The following WDR27 variants were observed in gnomAD, a reference collection of about 807,000 sequenced individuals.
WDR27 encodes WD repeat domain 27, also known as WD repeat-containing protein 27.
Under a neutral mutation model 114.4 loss-of-function variants are expected in WDR27, and 100 were observed. The observed-to-expected ratio is 0.87, with a 90% CI of 0.74 to 1.03. The LOEUF is 1.03. Ranked by LOEUF, WDR27 falls within the 50% of genes least tolerant of loss-of-function variation. WDR27 has a pLI of 0.00. For missense variants in WDR27, 1,129 were observed against 1,092.9 expected, an observed-to-expected ratio of 1.03 and a Z score of -0.47; for synonymous variants, 449 against 423.1, an observed-to-expected ratio of 1.06 and a Z score of -0.75.
At position 169,564,203 on chromosome 6, in the gene WDR27, G is replaced by A. The variant is rs371885808; in HGVS notation, c.2645+8216C>T. Among the ~76,000 whole-genome samples, 18 of 152,308 alleles carry A rather than the reference G, an allele frequency of 1.2e-4. No homozygotes were observed. In the South Asian group the frequency reaches 1.7e-3, roughly 14 times the overall value. ...AAGAACCTGGAGTCTGATGTTCGAGGGCAGGAAGCATCCAGCATGGGAGAA... is the reference window on the plus strand; with the variant it reads ...AAGAACCTGGAGTCTGATGTTCGAGAGCAGGAAGCATCCAGCATGGGAGAA... On this transcript the variant is annotated intron_variant, in intron 25 of 25. Transcript: ENST00000448612.
intron 21 of WDR27, among the ~76,000 whole-genome samples, chr6:169,614,055 C>T (rs1356738336): frequency 6.6e-6 from 1 of 152,148 alleles, no homozygotes; most frequent in African/African-American, 2.4e-5. Context: ...CAATTATCAA[C>T]CCCTAAATGA....
Position 169,648,577 on chromosome 6 carries a change from G to C in WDR27, c.1559+621C>G, listed in dbSNP as rs543709110. Among the ~76,000 whole-genome samples, 17 of 152,384 alleles carry C rather than the reference G, an allele frequency of 1.1e-4. No homozygotes were observed. In the South Asian group the frequency reaches 3.5e-3, roughly 32 times the overall value. ...GGCTGCAGAAAAATGCAGTGAATGCGGGCAAAATCAATATTGGCGCTCTGT... is the reference window on the plus strand; with the variant it reads ...GGCTGCAGAAAAATGCAGTGAATGCCGGCAAAATCAATATTGGCGCTCTGT... On this transcript the variant is annotated intron_variant, in intron 15 of 25. Transcript: ENST00000448612.
chr6:169,469,552 C>T (rs944897651), intron 25 of WDR27, among the ~76,000 whole-genome samples: 1 of 152,206 alleles, frequency 6.6e-6, no homozygotes, highest in African/African-American at 2.4e-5. Flanking sequence ...CCCACTAAAG[C>T]CAGACAAGCT....
At chr6:169,573,527 T>A (rs2128129824) in intron 24 of WDR27, among the ~76,000 whole-genome samples, 1 of 152,202 alleles carries the variant, frequency 6.6e-6, no homozygotes, top group Non-Finnish European at 1.5e-5. Flanking sequence ...CTGTAGGACT[T>A]GAGTGTGTGA....
intron 25 of WDR27, among the ~76,000 whole-genome samples, chr6:169,566,390 G>A (rs1379886628): frequency 6.6e-6 from 1 of 152,206 alleles, no homozygotes; most frequent in Admixed American, 6.5e-5. Flanking sequence ...CCACAGAGGG[G>A]CCGGCCCTCC....
chr6:169,641,890 CCGTAT>C (rs768467183), intron 17 of WDR27, among the ~76,000 whole-genome samples: 28 of 152,386 alleles, frequency 1.8e-4, no homozygotes, highest in East Asian at 5.8e-4. Flanking sequence ...AGCCGCCATC[CCGTAT>C]CGCTGAGAAT....
intron 14 of WDR27, among the ~76,000 whole-genome samples, chr6:169,649,741 A>C (rs1584896353): frequency 1.4e-5 from 2 of 146,424 alleles, no homozygotes; most frequent in South Asian, 2.2e-4. Flanking sequence ...TCATCCCTCC[A>C]CCCCTCCCTC....
At chr6:169,592,699 A>G (rs1162644693) in intron 23 of WDR27, among the ~76,000 whole-genome samples, 1 of 152,182 alleles carries the variant, frequency 6.6e-6, no homozygotes, top group African/African-American at 2.4e-5. Flanking sequence ...CAAGAGAAAT[A>G]CCTCCAATAC....
intron 2 of WDR27, 29 bp from the exon 3 acceptor site, chr6:169,672,425 G>A: frequency 1.3e-6 from 2 of 1,543,664 alleles, no homozygotes; most frequent in Non-Finnish European, 1.7e-6. Context: ...ATAAAACACA[G>A]ATCACAGACA....
chr6:169,535,858 C>A (rs1284134169), intron 25 of WDR27, among the ~76,000 whole-genome samples: 1 of 152,178 alleles, frequency 6.6e-6, no homozygotes, highest in Non-Finnish European at 1.5e-5. Flanking sequence ...TTGTTTAGCT[C>A]TGACACCCAG....
intron 25 of WDR27, among the ~76,000 whole-genome samples, chr6:169,542,333 A>G (rs1222296137): frequency 6.6e-6 from 1 of 152,198 alleles, no homozygotes; most frequent in Non-Finnish European, 1.5e-5. Context: ...CAACAAACCA[A>G]CATCATTTAA....
At chr6:169,458,560 G>A (rs951950900) in intron 25 of WDR27, among the ~76,000 whole-genome samples, 2 of 152,168 alleles carry the variant, frequency 1.3e-5, no homozygotes, top group Non-Finnish European at 2.9e-5. Flanking sequence ...GGAGTCCAAG[G>A]TGGGTGGATC....
At chr6:169,597,112 T>C (rs1185293891) in intron 23 of WDR27, among the ~76,000 whole-genome samples, 1 of 152,188 alleles carries the variant, frequency 6.6e-6, no homozygotes, top group African/African-American at 2.4e-5. Context: ...TCAGCTTCAT[T>C]TCCCATCCTG....
intron 25 of WDR27, among the ~76,000 whole-genome samples, chr6:169,518,936 A>G (rs1488064850): frequency 6.6e-6 from 1 of 152,182 alleles, no homozygotes; most frequent in Non-Finnish European, 1.5e-5. Context: ...TTGCTTAGAA[A>G]TTTCCTTTAC....
chr6:169,607,211 G>T (rs564378973), intron 22 of WDR27, among the ~76,000 whole-genome samples: 2 of 151,994 alleles, frequency 1.3e-5, no homozygotes, highest in South Asian at 4.2e-4. Flanking sequence ...TATAACTACC[G>T]TTCATTTCAG....
intron 7 of WDR27, 50 bp from the exon 8 acceptor site, chr6:169,664,336 C>G (rs763171689): frequency 1.2e-6 from 2 of 1,611,144 alleles, no homozygotes; most frequent in South Asian, 2.2e-5. Context: ...AGGGTCCTGA[C>G]GCAGAAGCAG....
At chr6:169,521,148 A>G (rs1794328268) in intron 25 of WDR27, among the ~76,000 whole-genome samples, 1 of 152,190 alleles carries the variant, frequency 6.6e-6, no homozygotes, top group Non-Finnish European at 1.5e-5. Flanking sequence ...GCAAGAGAAA[A>G]GTAAATAAAA....
intron 15 of WDR27, among the ~76,000 whole-genome samples, 160 bp from the exon 16 acceptor site, chr6:169,648,030 T>C (rs1562806653): frequency 2.0e-5 from 3 of 152,254 alleles, no homozygotes. Flanking sequence ...TAGACTCTTA[T>C]ATTCAAAATC....
intron 25 of WDR27, among the ~76,000 whole-genome samples, chr6:169,494,110 TTGACTGTG>T (rs1357183957): frequency 6.6e-6 from 1 of 152,228 alleles, no homozygotes; most frequent in African/African-American, 2.4e-5. Context: ...CTATGTCAAC[TTGACTGTG>T]TGATGGGGTG....
Sources: allele counts gnomAD v4.1 joint callset (sites outside exome capture counted in the v4.1 genomes callset), GRCh38; gene constraint gnomAD v4.1.1; transcripts MANE v1.5; gene names NCBI Gene and HGNC (gene_info 2026-07-23, HGNC 2026-07-21).